The following ZBTB25 variants were observed in gnomAD, a reference collection of about 807,000 sequenced individuals.
ZBTB25 encodes zinc finger and BTB domain-containing protein 25.
ZBTB25 carries 20 observed loss-of-function variants against 34.2 expected under a neutral mutation model. That is an observed-to-expected ratio of 0.58 (90% CI 0.41 to 0.85). ZBTB25 has a LOEUF of 0.85. Ranked by LOEUF, ZBTB25 falls within the 40% of genes least tolerant of loss-of-function variation. The probability of loss-of-function intolerance (pLI) is 0.00; values close to 1 mark genes in which losing one functional copy is unlikely to be tolerated. For synonymous variants in ZBTB25, 175 were observed against 186.4 expected (o/e 0.94, Z 0.50); for missense variants, 437 against 521.8 (o/e 0.84, Z 1.58).
rs1022740771 is a variant in ZBTB25, at chr14:64,479,557, C to G, written c.*7366G>C. 6.6e-6 allele frequency: 1 copy of G among 152,176 alleles called. No homozygotes were observed. Among genetic ancestry groups the G allele is most frequent in the Non-Finnish European group, 1.5e-5 (1 of 68,046 alleles). 9.4% of individuals were successfully genotyped at this position (152,176 alleles called of 1,614,324 possible). On this transcript the variant is annotated 3_prime_UTR_variant, in exon 3 of 3. Coordinates refer to ENST00000608382, the MANE Select transcript of ZBTB25 (RefSeq NM_006977.5). ...AGACAAAATCTGAATCAGTAGACTG[C>G]GTAAAGAAGATCACCCTCCCTGATG...
At chr14:64,491,017 T>TG (rs1229367570) in intron 1 of ZBTB25, among the ~76,000 whole-genome samples, 2 of 152,208 alleles carry the variant, frequency 1.3e-5, no homozygotes, top group African/African-American at 4.8e-5. Context: ...GAGCTAGAGA[T>TG]GTCACTCCTC....
downstream of ZBTB25, chr14:64,474,482 GAATA>G: frequency 6.0e-6 from 1 of 167,052 alleles, no homozygotes. Flanking sequence ...TATTAATACA[GAATA>G]AATGTTATAT....
chr14:64,450,422 C>G (rs976911787), intron 2 of ZBTB25, among the ~76,000 whole-genome samples: 1 of 152,146 alleles, frequency 6.6e-6, no homozygotes, highest in Non-Finnish European at 1.5e-5. Context: ...CATGCAAAAC[C>G]AAAGTACTCC....
intron 2 of ZBTB25, among the ~76,000 whole-genome samples, chr14:64,452,406 GC>G (rs2078387295): frequency 6.6e-6 from 1 of 152,162 alleles, no homozygotes; most frequent in Non-Finnish European, 1.5e-5. Flanking sequence ...GAGTAGCTTT[GC>G]TTCTGATTTC....
At chr14:64,455,670 A>ATCC (rs1596568693) in intron 2 of ZBTB25, among the ~76,000 whole-genome samples, 1 of 152,206 alleles carries the variant, frequency 6.6e-6, no homozygotes, top group East Asian at 1.9e-4. Context: ...ACCAACATAC[A>ATCC]TCCTTTTGGA....
chr14:64,463,839 ACT>A (rs901199690), intron 2 of ZBTB25, among the ~76,000 whole-genome samples: 3 of 151,784 alleles, frequency 2.0e-5, no homozygotes, highest in Non-Finnish European at 2.9e-5. Flanking sequence ...TTTGCCTGAA[ACT>A]CTTGCAAACT....
At chr14:64,459,859 C>T in intron 2 of ZBTB25, 1 of 1,536,036 alleles carries the variant, frequency 6.5e-7, no homozygotes, top group African/African-American at 1.4e-5. Context: ...GAAGTCAGCC[C>T]CTGCCCAGAA....
chr14:64,486,519 GAGTGA>G lies in ZBTB25; in HGVS notation c.*399_*403del. ...AAATATTTAAAAATAATCCTGGTAG[GAGTGA>G]ATTCATGTGAAATGTAGGCAGAAGT... is the stretch of plus-strand genomic sequence containing the variant. On this transcript the variant is annotated 3_prime_UTR_variant, in exon 3 of 3. Transcript: ENST00000608382. 1 of 962,110 alleles carries G rather than the reference GAGTGA, an allele frequency of 1.0e-6. No homozygotes were observed. The highest frequency in any genetic ancestry group is 1.1e-4 in the East Asian group (1 of 8,752). The allele number at this position is 962,110 out of a possible 1,614,324, so 59.6% of individuals were successfully genotyped here.
chr14:64,485,892 T>C lies in ZBTB25; in HGVS notation c.*1031A>G. The stretch of plus-strand genomic sequence containing the variant: ...ACCAAGTTAACAACCCTGGGGTTTT[T>C]AGTCAATGCAGTTCTAGCTCAGTCT... On this transcript the variant is annotated 3_prime_UTR_variant, in exon 3 of 3. Coordinates refer to ENST00000608382, the MANE Select transcript of ZBTB25 (RefSeq NM_006977.5). 3.0e-6 allele frequency: 3 copies of C among 985,460 alleles called. No individual in the cohort carries two copies. Among genetic ancestry groups the C allele is most frequent in the Non-Finnish European group, 3.6e-6 (3 of 829,942 alleles). The allele number at this position is 985,460 out of a possible 1,614,324, so 61.0% of individuals were successfully genotyped here.
chr14:64,484,508 CCT>C lies in ZBTB25; in HGVS notation c.*2413_*2414del, dbSNP rs2078837735. On this transcript the variant is annotated 3_prime_UTR_variant, in exon 3 of 3. Transcript: ENST00000608382. ...ACCAGCCTGACCAAGATGGTGAAAC[CCT>C]GTCTCTGCTAAAAACACAAAATTAG... is the stretch of plus-strand genomic sequence containing the variant. 1 of 152,158 alleles carries C rather than the reference CCT, an allele frequency of 6.6e-6. No homozygotes were observed. Among genetic ancestry groups the C allele is most frequent in the South Asian group, 2.1e-4 (1 of 4,822 alleles). 9.4% of individuals were successfully genotyped at this position (152,158 alleles called of 1,614,324 possible).
intron 2 of ZBTB25, chr14:64,469,609 G>A: frequency 6.2e-7 from 1 of 1,611,558 alleles, no homozygotes; most frequent in South Asian, 1.1e-5. Flanking sequence ...ATGCTATTCA[G>A]TTGTCAATAG....
At chr14:64,458,682 T>C (rs2078514573) in intron 2 of ZBTB25, 1 of 331,806 alleles carries the variant, frequency 3.0e-6, no homozygotes. Flanking sequence ...TGACGGTCTG[T>C]ATACTCTGAA....
intron 1 of ZBTB25, among the ~76,000 whole-genome samples, chr14:64,500,337 G>A (rs2079443224): frequency 6.6e-6 from 1 of 151,634 alleles, no homozygotes; most frequent in Non-Finnish European, 1.5e-5. Context: ...TAAAGTGCTT[G>A]GAGATTTCAG....
intron 1 of ZBTB25, among the ~76,000 whole-genome samples, chr14:64,500,459 A>AG: frequency 1.5e-4 from 19 of 129,184 alleles, no homozygotes; most frequent in African/African-American, 4.7e-4. Flanking sequence ...TAAAGCAAAA[A>AG]AAAAAAAAAA....
chr14:64,458,362 A>C, intron 2 of ZBTB25: 4 of 1,096,456 alleles, frequency 3.6e-6, no homozygotes, highest in Non-Finnish European at 5.7e-6. Flanking sequence ...CTTATTTATG[A>C]ATTATAGGGC....
chr14:64,503,765 C>G lies in ZBTB25; in HGVS notation c.-112G>C, dbSNP rs2079578642. The G allele has an allele frequency of 7.1e-6, 2 of 280,228 alleles. No individual in the cohort carries two copies. Among genetic ancestry groups the G allele is most frequent in the South Asian group, 2.7e-4 (2 of 7,414 alleles). 17.4% of individuals were successfully genotyped at this position (280,228 alleles called of 1,614,324 possible). A position where few individuals can be genotyped will look rare whatever the true frequency, so the allele number is the denominator to read the frequency against. ...GCCGGCTCACGCACCCCTCGGCCGC[C>G]TCTCGCGCGGCTTCCCGCGCCGGCA... is the stretch of plus-strand genomic sequence containing the variant. On this transcript the variant is annotated 5_prime_UTR_variant, in exon 1 of 3. Coordinates refer to ENST00000608382, the MANE Select transcript of ZBTB25 (RefSeq NM_006977.5).
intron 1 of ZBTB25, among the ~76,000 whole-genome samples, chr14:64,492,890 A>C (rs754594771): frequency 6.6e-6 from 1 of 152,222 alleles, no homozygotes; most frequent in African/African-American, 2.4e-5. Context: ...ACAGGCTCAC[A>C]GGAAAGATAA....
At chr14:64,491,150 A>T (rs1385316960) in intron 1 of ZBTB25, among the ~76,000 whole-genome samples, 1 of 152,156 alleles carries the variant, frequency 6.6e-6, no homozygotes, top group African/African-American at 2.4e-5. Context: ...TCCCCAATTT[A>T]CTTGTGGCCC....
Position 64,503,820 on chromosome 14 carries a change from C to G in ZBTB25, c.-167G>C, listed in dbSNP as rs1454973855. Reference sequence around the variant, plus strand: ...GCGATGGCCCCACGTGACCGCGTGTCTGGTAGCAGGGGAAAGAGGGGCGCC... The same window carrying G: ...GCGATGGCCCCACGTGACCGCGTGTGTGGTAGCAGGGGAAAGAGGGGCGCC... On this transcript the variant is annotated 5_prime_UTR_variant, in exon 1 of 3. Coordinates refer to ENST00000608382, the MANE Select transcript of ZBTB25 (RefSeq NM_006977.5). 1.9e-5 allele frequency: 3 copies of G among 159,418 alleles called. No individual in the cohort carries two copies. The East Asian group carries it at 5.8e-4, about 31-fold the overall frequency. The allele number at this position is 159,418 out of a possible 1,614,324, so 9.9% of individuals were successfully genotyped here. A position where few individuals can be genotyped will look rare whatever the true frequency, so the allele number is the denominator to read the frequency against.
Sources: gnomAD v4.1 joint callset for allele counts (sites outside exome capture counted in the v4.1 genomes callset) on GRCh38, gnomAD v4.1.1 for gene constraint, MANE v1.5 for transcripts, NCBI Gene and HGNC (gene_info 2026-07-23, HGNC 2026-07-21) for gene names.